The following RALYL variants were observed in gnomAD, a reference collection of about 807,000 sequenced individuals.
RALYL encodes RNA-binding Raly-like protein.
In RALYL, 29 loss-of-function variants were observed where a neutral mutation model predicts 35.1. That is an observed-to-expected ratio of 0.83 (90% CI 0.61 to 1.13). The LOEUF (loss-of-function observed/expected upper bound fraction) is 1.13, where lower values mean the gene tolerates loss of function less well. Among genes scored for constraint, RALYL ranks in the 50% most tolerant of loss-of-function variants. The pLI, the probability that RALYL is intolerant of heterozygous loss-of-function variation, is 0.00. For missense variants in RALYL, 359 were observed against 360.4 expected (o/e 1.00, Z 0.03); for synonymous variants, 120 against 127.6 (o/e 0.94, Z 0.40).
chr8:84,494,077 T>G (rs923865364), intron 1 of RALYL, among the ~76,000 whole-genome samples: 2 of 152,210 alleles, frequency 1.3e-5, no homozygotes, highest in African/African-American at 4.8e-5. Context: ...AGTTAATTTT[T>G]GTATAAAGTG....
At chr8:84,318,084 C>G (rs890571121) in intron 1 of RALYL, among the ~76,000 whole-genome samples, 2 of 152,116 alleles carry the variant, frequency 1.3e-5, no homozygotes, top group Admixed American at 6.6e-5. Context: ...TATTATGCCT[C>G]TATGGTAGGA....
At chr8:84,594,517 TATTGTTATTAATAAG>T (rs1233547712) in intron 2 of RALYL, among the ~76,000 whole-genome samples, 4 of 152,002 alleles carry the variant, frequency 2.6e-5, no homozygotes, top group Non-Finnish European at 5.9e-5. Flanking sequence ...AGCATATTTA[TATTGTTATTAATAAG>T]ATTGGGAGCA....
At chr8:84,322,932 T>C (rs999295711) in intron 1 of RALYL, among the ~76,000 whole-genome samples, 2 of 152,146 alleles carry the variant, frequency 1.3e-5, no homozygotes, top group African/African-American at 4.8e-5. Context: ...GAAAAGACTA[T>C]TGGTGACTTT....
chr8:84,910,186 A>T (rs569476742), intron 8 of RALYL, among the ~76,000 whole-genome samples: 1 of 152,254 alleles, frequency 6.6e-6, no homozygotes, highest in East Asian at 1.9e-4. Flanking sequence ...TTACAATCAA[A>T]CATGAAGCAG....
At chr8:84,298,166 G>T (rs936632663) in intron 1 of RALYL, among the ~76,000 whole-genome samples, 6 of 151,786 alleles carry the variant, frequency 4.0e-5, no homozygotes, top group African/African-American at 1.2e-4. Flanking sequence ...TATAGTTTTA[G>T]GTTTTACATC....
chr8:84,343,356 G>A (rs1303777167), intron 1 of RALYL, among the ~76,000 whole-genome samples: 3 of 152,020 alleles, frequency 2.0e-5, no homozygotes, highest in African/African-American at 7.2e-5. Context: ...ACTTTGAAAA[G>A]CAAATAGAAT....
intron 1 of RALYL, among the ~76,000 whole-genome samples, chr8:84,310,872 C>T (rs1435836815): frequency 7.2e-6 from 1 of 139,730 alleles, no homozygotes; most frequent in Admixed American, 6.9e-5. Context: ...AAGGTGAAAC[C>T]CCGTCTCTAC....
chr8:84,344,850 C>T (rs1849519280), intron 1 of RALYL, among the ~76,000 whole-genome samples: 1 of 151,958 alleles, frequency 6.6e-6, no homozygotes, highest in African/African-American at 2.4e-5. Flanking sequence ...CAGGTTCATT[C>T]ATGTTGTTGC....
At chr8:84,676,790 A>T (rs1038416245) in intron 2 of RALYL, among the ~76,000 whole-genome samples, 1 of 149,158 alleles carries the variant, frequency 6.7e-6, no homozygotes, top group Non-Finnish European at 1.5e-5. Context: ...GCGCTTGATT[A>T]CATATTAAAA....
intron 8 of RALYL, among the ~76,000 whole-genome samples, chr8:84,904,538 A>G (rs1256242851): frequency 1.3e-5 from 2 of 152,186 alleles, no homozygotes; most frequent in Admixed American, 6.6e-5. Context: ...ACACATGCTT[A>G]TGAGTATGCT....
chr8:84,786,240 T>C (rs951174226), intron 3 of RALYL, among the ~76,000 whole-genome samples: 5 of 152,234 alleles, frequency 3.3e-5, no homozygotes, highest in African/African-American at 2.4e-5. Context: ...AATGGGCATT[T>C]GGTTTGATTC....
intron 1 of RALYL, among the ~76,000 whole-genome samples, chr8:84,274,519 A>G (rs1291673176): frequency 2.0e-5 from 3 of 152,090 alleles, no homozygotes; most frequent in Admixed American, 6.5e-5. Context: ...CTTTAAAGTA[A>G]AAGTAGAAGC....
chr8:84,642,720 T>C (rs990165938), intron 2 of RALYL, among the ~76,000 whole-genome samples: 1 of 151,968 alleles, frequency 6.6e-6, no homozygotes, highest in Non-Finnish European at 1.5e-5. Context: ...CTGGTGTCCC[T>C]GGATTGAATA....
chr8:84,896,798 T>C (rs1844823951), intron 8 of RALYL, among the ~76,000 whole-genome samples: 1 of 152,204 alleles, frequency 6.6e-6, no homozygotes, highest in Non-Finnish European at 1.5e-5. Context: ...TGTACTTACC[T>C]GTACATAAGA....
chr8:84,692,634 G>A (rs1000563155), intron 2 of RALYL, among the ~76,000 whole-genome samples: 2 of 151,942 alleles, frequency 1.3e-5, no homozygotes, highest in Non-Finnish European at 2.9e-5. Flanking sequence ...ACTATTTCTG[G>A]TATTCATCCT....
intron 2 of RALYL, among the ~76,000 whole-genome samples, chr8:84,568,375 G>T (rs1588228885): frequency 6.6e-6 from 1 of 151,824 alleles, no homozygotes; most frequent in East Asian, 1.9e-4. Context: ...CAAAGGACAT[G>T]AACTCATCAT....
chr8:84,854,417 T>C (rs1382329690), intron 5 of RALYL, among the ~76,000 whole-genome samples: 1 of 152,170 alleles, frequency 6.6e-6, no homozygotes, highest in Admixed American at 6.5e-5. Context: ...TTGACATTCA[T>C]ACAGCAGTGT....
At chr8:84,195,334 G>T (rs1256440124) in intron 1 of RALYL, among the ~76,000 whole-genome samples, 1 of 152,130 alleles carries the variant, frequency 6.6e-6, no homozygotes, top group Admixed American at 6.5e-5. Context: ...CAGCTACTCA[G>T]GAGGCTAAGG....
intron 1 of RALYL, among the ~76,000 whole-genome samples, chr8:84,425,947 G>A (rs889110365): frequency 1.1e-4 from 17 of 151,944 alleles, no homozygotes; most frequent in African/African-American, 4.1e-4. Flanking sequence ...AGGAAATAAA[G>A]AGTATATATA....
Sources: gnomAD v4.1 joint callset for allele counts (sites outside exome capture counted in the v4.1 genomes callset) on GRCh38, gnomAD v4.1.1 for gene constraint, MANE v1.5 for transcripts, NCBI Gene and HGNC (gene_info 2026-07-23, HGNC 2026-07-21) for gene names.